Variants in DLGAP1 observed in about 807,000 individuals in gnomAD.
DLGAP1 encodes DLG associated protein 1, also known as disks large-associated protein 1.
Under a neutral mutation model 90.8 loss-of-function variants are expected in DLGAP1, and 11 were observed. The ratio of observed to expected loss-of-function variants is 0.12; its 90% CI spans 0.08 to 0.20. DLGAP1 has a LOEUF of 0.20. Ranked by LOEUF, DLGAP1 falls within the 10% of genes least tolerant of loss-of-function variation. DLGAP1 has a pLI of 1.00. For synonymous variants in DLGAP1, 558 were observed against 540.7 expected, an observed-to-expected ratio of 1.03 and a Z score of -0.44; for missense variants, 1,050 against 1,333.8, an observed-to-expected ratio of 0.79 and a Z score of 3.31.
chr18:4,079,093 G>A (rs146310761), intron 2 of DLGAP1, among the ~76,000 whole-genome samples: 158 of 152,210 alleles, frequency 1.0e-3, no homozygotes, highest in African/African-American at 3.5e-3. Context: ...ATCAGAGCAC[G>A]GACTTCCCAC....
intron 4 of DLGAP1, among the ~76,000 whole-genome samples, chr18:3,831,616 G>A (rs2068039248): frequency 6.6e-6 from 1 of 152,152 alleles, no homozygotes; most frequent in Non-Finnish European, 1.5e-5. Flanking sequence ...GGAAATGTCA[G>A]CTTCTTCACA....
chr18:4,412,479 G>C (rs1030732884), intron 1 of DLGAP1, among the ~76,000 whole-genome samples: 15 of 152,248 alleles, frequency 9.9e-5, no homozygotes, highest in Admixed American at 9.8e-4. Context: ...ATAAGTGCTG[G>C]CTCTGCTAAC....
intron 1 of DLGAP1, among the ~76,000 whole-genome samples, chr18:4,244,097 G>A (rs1598711339): frequency 6.6e-6 from 1 of 152,072 alleles, no homozygotes; most frequent in Middle Eastern, 3.4e-3. Context: ...ATAATCACAA[G>A]TCCATCAAAA....
At chr18:3,874,420 T>G (rs562638288) in intron 4 of DLGAP1, 7 of 1,440,104 alleles carry the variant, frequency 4.9e-6, no homozygotes, top group Admixed American at 2.8e-5. Flanking sequence ...GGTTAACAGT[T>G]GGAAATCTAA....
chr18:4,164,070 T>G (rs755222699), intron 1 of DLGAP1, among the ~76,000 whole-genome samples: 5 of 151,970 alleles, frequency 3.3e-5, no homozygotes, highest in Middle Eastern at 6.8e-3. Flanking sequence ...CAGACCAAAA[T>G]AGCAATGGAA....
chr18:3,809,180 G>C (rs1311912150), intron 5 of DLGAP1, among the ~76,000 whole-genome samples: 9 of 152,044 alleles, frequency 5.9e-5, no homozygotes, highest in African/African-American at 2.2e-4. Flanking sequence ...GTAGGGTGAT[G>C]GAATCCATCA....
In DLGAP1 at chr18:3,504,487, C is replaced by T. The variant is rs557638015; in HGVS notation, c.2572-1842G>A. On this transcript the variant is annotated intron_variant, in intron 11 of 12. Transcript: ENST00000315677. ...GCAACCTCTGCCTCCCAGGTTCAAG[C>T]GACTCTCCTGCCTCAGCCTCCTGAG... 3.9e-5 allele frequency among the ~76,000 whole-genome samples: 6 copies of T among 152,166 alleles called. No individual in the cohort carries two copies. In the South Asian group the frequency reaches 8.3e-4, roughly 21 times the overall value.
intron 10 of DLGAP1, among the ~76,000 whole-genome samples, chr18:3,512,752 C>T (rs1025089934): frequency 2.0e-5 from 3 of 152,246 alleles, no homozygotes; most frequent in African/African-American, 7.2e-5. Flanking sequence ...GGCCAATCCC[C>T]GTCTTCTGAC....
chr18:3,900,691 C>G (rs1416773393), intron 3 of DLGAP1, among the ~76,000 whole-genome samples: 1 of 152,068 alleles, frequency 6.6e-6, no homozygotes, highest in African/African-American at 2.4e-5. Context: ...GGAGGAATCA[C>G]ACATGATTGT....
chr18:3,869,459 G>T (rs2070607402), intron 4 of DLGAP1, among the ~76,000 whole-genome samples: 1 of 152,236 alleles, frequency 6.6e-6, no homozygotes, highest in African/African-American at 2.4e-5. Context: ...TGAAGGGTGA[G>T]GTGGGAGGGT....
intron 1 of DLGAP1, chr18:4,275,269 C>G (rs1288718286): frequency 6.6e-6 from 1 of 152,232 alleles, no homozygotes. Context: ...TAGGAGCTCT[C>G]CCATCTTTTC....
chr18:4,403,003 A>T lies in DLGAP1; in HGVS notation c.-267+52003T>A, dbSNP rs542907916. ...ATATATGAATTATGGTAGAACTCTG[A>T]CCATGACTAATACTAGGTTTAAAGA... On this transcript the variant is annotated intron_variant, in intron 1 of 12. Coordinates refer to ENST00000315677, the MANE Select transcript of DLGAP1 (RefSeq NM_004746.4). Among the ~76,000 whole-genome samples the T allele has an allele frequency of 6.8e-4, 104 of 152,328 alleles. 1 individual carries two copies. The highest frequency in any genetic ancestry group is 1.7e-3 in the South Asian group (8 of 4,830).
At chr18:4,314,568 G>C (rs1463658287) in intron 1 of DLGAP1, among the ~76,000 whole-genome samples, 1 of 152,146 alleles carries the variant, frequency 6.6e-6, no homozygotes, top group Non-Finnish European at 1.5e-5. Flanking sequence ...ATTCTATAAA[G>C]TGATTTACAG....
At chr18:3,656,029 A>G in intron 7 of DLGAP1, 1 of 1,492,082 alleles carries the variant, frequency 6.7e-7, no homozygotes, top group African/African-American at 1.4e-5. Context: ...GCTACAAGCC[A>G]CGCTATGCAA....
At chr18:3,668,071 C>T (rs917434717) in intron 7 of DLGAP1, among the ~76,000 whole-genome samples, 6 of 152,180 alleles carry the variant, frequency 3.9e-5, no homozygotes, top group African/African-American at 1.4e-4. Context: ...CCCATCTATT[C>T]TCCTAAAGGC....
intron 3 of DLGAP1, among the ~76,000 whole-genome samples, chr18:3,948,692 T>C (rs1212374638): frequency 6.6e-6 from 1 of 152,102 alleles, no homozygotes; most frequent in Non-Finnish European, 1.5e-5. Flanking sequence ...GTGATGTAAC[T>C]CAGGAATGCT....
intron 3 of DLGAP1, among the ~76,000 whole-genome samples, chr18:3,917,821 G>C (rs900931029): frequency 2.6e-5 from 4 of 151,004 alleles, no homozygotes; most frequent in African/African-American, 9.7e-5. Context: ...GTATATGGGA[G>C]AGTCAGTACC....
intron 1 of DLGAP1, among the ~76,000 whole-genome samples, chr18:4,328,801 G>A (rs1481508060): frequency 6.6e-6 from 1 of 151,808 alleles, no homozygotes; most frequent in Non-Finnish European, 1.5e-5. Context: ...TAACGATGTT[G>A]AGCATCTACT....
rs1460410 is a variant in DLGAP1 at position 3,661,877 on chromosome 18, C to T, written c.1591+67258G>A. Among the ~76,000 whole-genome samples, 1,011 of 152,128 alleles carry T rather than the reference C, an allele frequency of 6.6e-3. 10 individuals carry two copies. Among genetic ancestry groups the T allele is most frequent in the African/African-American group, 0.023 (949 of 41,504 alleles). On this transcript the variant is annotated intron_variant, in intron 7 of 12. Transcript: ENST00000315677. The stretch of plus-strand genomic sequence containing the variant: ...GATTACAGGAGTTAGCCACTGCTCC[C>T]GGCCAGCTGTAAGGTCTTGAGAAGA...
Sources: allele counts gnomAD v4.1 joint callset (sites outside exome capture counted in the v4.1 genomes callset), GRCh38; gene constraint gnomAD v4.1.1; transcripts MANE v1.5; gene names NCBI Gene and HGNC (gene_info 2026-07-23, HGNC 2026-07-21).